KPRP: variants seen among roughly 807,000 people sequenced by gnomAD.
KPRP encodes keratinocyte proline-rich protein.
For synonymous variants in KPRP, 282 were observed against 276.9 expected (o/e 1.02, Z -0.18); for missense variants, 820 against 746.4 (o/e 1.10, Z -1.15).
At chr1:152,761,565 C>A in exon 1 of KPRP, 3 of 595,266 alleles carry the variant, frequency 5.0e-6, no homozygotes, top group Non-Finnish European at 8.4e-6. Context: ...CTAGCCAGAC[C>A]AGTCTGGCCA....
At chr1:152,761,211 T>G (rs938939851) in exon 1 of KPRP, 4 of 1,613,622 alleles carry the variant, frequency 2.5e-6, no homozygotes, top group Non-Finnish European at 3.4e-6. Flanking sequence ...GGCAAGAGAG[T>G]GGTGCTGGCT....
exon 1 of KPRP, chr1:152,759,699 T>C (rs1329092595): frequency 6.2e-7 from 1 of 1,614,138 alleles, no homozygotes; most frequent in South Asian, 1.1e-5. Context: ...AAGTGGTGGT[T>C]CAAGCCCCTT....
exon 1 of KPRP, chr1:152,759,589 A>G (rs755373624): frequency 6.2e-7 from 1 of 1,613,144 alleles, no homozygotes; most frequent in Non-Finnish European, 8.5e-7. Context: ...CATCAGGACC[A>G]TGTGTGACCA....
At chr1:152,760,584 G>A (rs764394096) in exon 1 of KPRP, 1 of 1,608,696 alleles carries the variant, frequency 6.2e-7, no homozygotes, top group Admixed American at 1.7e-5. Context: ...TTTCCTCCCC[G>A]TGCTGCCCCA....
At chr1:152,759,314 CCT>C (rs1491437368), upstream of KPRP, among the ~76,000 whole-genome samples, 11 of 152,104 alleles carry the variant, frequency 7.2e-5, no homozygotes, top group African/African-American at 2.7e-4. Context: ...TCATCAGTGC[CCT>C]CTTTTCTGGG....
At chr1:152,760,247 A>T (rs899155715) in exon 1 of KPRP, 1 of 1,614,016 alleles carries the variant, frequency 6.2e-7, no homozygotes, top group South Asian at 1.1e-5. Flanking sequence ...TGTTTCCCTC[A>T]GTATCGGTCC....
At position 152,760,103 on chromosome 1, in the gene KPRP, GC is replaced by G; in HGVS notation, c.517del (p.Gln173SerfsTer38). On this transcript the variant is annotated frameshift_variant, in exon 1 of 1. Coordinates refer to ENST00000606109, the Ensembl canonical transcript of KPRP. LOFTEE classifies it low-confidence loss of function (END_TRUNC). ...ATGTATAGAGGGCGTCCTGCAGTGT[GC>G]CAGCCTCAGGGAAGATTCTCCACCC... The G allele has an allele frequency of 6.2e-7, 1 of 1,614,152 alleles. No homozygotes were observed. Among genetic ancestry groups the G allele is most frequent in the African/African-American group, 1.3e-5 (1 of 75,036 alleles).
exon 1 of KPRP, chr1:152,759,913 A>T: frequency 6.2e-7 from 1 of 1,614,078 alleles, no homozygotes; most frequent in Non-Finnish European, 8.5e-7. Flanking sequence ...CTCTGTTCAA[A>T]GCCAGGCTCC....
At chr1:152,761,479 T>TACGGCGA in exon 1 of KPRP, 3 of 1,376,600 alleles carry the variant, frequency 2.2e-6, no homozygotes, top group Non-Finnish European at 9.6e-7. Context: ...TTGCCTATCA[T>TACGGCGA]CCAAAGATCC....
chr1:152,760,815 C>T, exon 1 of KPRP: 11 of 1,614,142 alleles, frequency 6.8e-6, no homozygotes, highest in Non-Finnish European at 9.3e-6. Context: ...CACGTCTGCG[C>T]CCAGAACCAT....
rs932113468 is a variant in KPRP, at chr1:152,760,775, T to A, written c.1187T>A (p.Leu396Gln). 6.2e-7 allele frequency: 1 copy of A among 1,614,192 alleles called. No individual in the cohort carries two copies. Among genetic ancestry groups the A allele is most frequent in the Non-Finnish European group, 8.5e-7 (1 of 1,180,032 alleles). Reference sequence around the variant, plus strand: ...CTTGACCAGTGTCCAGAGTCACCACTGCAGCGATGTCCACCTCCTGCTCCA... The same window carrying A: ...CTTGACCAGTGTCCAGAGTCACCACAGCAGCGATGTCCACCTCCTGCTCCA... The change falls in exon 1 of 1, where the codon CTG (leucine) becomes CAG (glutamine). Residue 396 changes from leucine to glutamine, a missense_variant. Coordinates refer to ENST00000606109, the Ensembl canonical transcript of KPRP.
rs150376386 is a variant in KPRP at position 152,760,661 on chromosome 1, G to A, written c.1073G>A (p.Gly358Asp). 80 of 1,611,896 alleles carry A rather than the reference G, an allele frequency of 5.0e-5. No individual in the cohort carries two copies. The highest frequency in any genetic ancestry group is 2.7e-4 in the Admixed American group (16 of 60,024). ...ATCAGACGCCGCTCCCAGAGCTGTG[G>A]CCCGCAGCCCTCCTGGGGCGCCTCC... Residue 358 changes from glycine (G) to aspartate (D), a missense_variant, in exon 1 of 1, where the codon GGC becomes GAC. Coordinates refer to ENST00000606109, the Ensembl canonical transcript of KPRP.
chr1:152,760,618 C>G, exon 1 of KPRP: 1 of 1,609,446 alleles, frequency 6.2e-7, no homozygotes, highest in Non-Finnish European at 8.5e-7. Context: ...ACAGAGGTGT[C>G]CTGTTGAGAT....
At chr1:152,760,500 A>G (rs1453270527) in exon 1 of KPRP, 1 of 1,613,408 alleles carries the variant, frequency 6.2e-7, no homozygotes, top group Non-Finnish European at 8.5e-7. Context: ...CTGAACCCAT[A>G]TATAACAGTC....
upstream of KPRP, among the ~76,000 whole-genome samples, chr1:152,758,807 T>C (rs1022922091): frequency 6.6e-6 from 1 of 152,242 alleles, no homozygotes; most frequent in Non-Finnish European, 1.5e-5. Context: ...ACTGTCACAC[T>C]TCAGGTGATT....
At position 152,759,985 on chromosome 1, in the gene KPRP, G is replaced by C. The variant is rs142569486; in HGVS notation, c.397G>C (p.Val133Leu). The change falls in exon 1 of 1, where the codon GTA becomes CTA. Residue 133 changes from valine (V) to leucine (L), a missense_variant. By Grantham distance (32) the Val-to-Leu change is conservative. Transcript: ENST00000606109. ...GTCACAACCTGTTCAGACTTGCTTC[G>C]TAGAATGTGCTCCAGTTTGTTATAC... 64 of 1,614,054 alleles carry C rather than the reference G, an allele frequency of 4.0e-5. 1 individual carries two copies. The highest frequency in any genetic ancestry group is 5.3e-5 in the Non-Finnish European group (62 of 1,180,032).
At chr1:152,760,708 G>T in exon 1 of KPRP, 4 of 1,613,782 alleles carry the variant, frequency 2.5e-6, no homozygotes, top group Admixed American at 1.7e-5. Flanking sequence ...GAGGCCACAC[G>T]TAGAGCCACG....
Position 152,759,760 on chromosome 1 carries a change from C to T in KPRP, c.172C>T (p.Gln58Ter), listed in dbSNP as rs113957924. The T allele has an allele frequency of 4.3e-6, 7 of 1,614,124 alleles. No homozygotes were observed. Among genetic ancestry groups the T allele is most frequent in the South Asian group, 3.3e-5 (3 of 91,084 alleles). ...TGCATCATGCCCAGTTCAAGTTTGC[C>T]AGGTGTCAGACCAGGCTCCATGCCA... The change falls in exon 1 of 1, where the codon CAG (glutamine) becomes TAG (stop). Residue 58 changes from glutamine (Q) to a stop codon, truncating the protein, a stop_gained. Transcript: ENST00000606109. LOFTEE classifies it low-confidence loss of function (END_TRUNC).
chr1:152,761,447 C>G (rs577398345), exon 1 of KPRP: 2 of 1,456,706 alleles, frequency 1.4e-6, no homozygotes, highest in Non-Finnish European at 1.8e-6. Flanking sequence ...CTCCCTATTA[C>G]GAAGGTGATG....
Sources: allele counts gnomAD v4.1 joint callset (sites outside exome capture counted in the v4.1 genomes callset), GRCh38; gene constraint gnomAD v4.1.1; transcripts MANE v1.5; gene names NCBI Gene and HGNC (gene_info 2026-07-23, HGNC 2026-07-21).